DTNA: variants seen among roughly 807,000 people sequenced by gnomAD.
The protein encoded by DTNA is dystrophin-related protein 3.
A neutral mutation model predicts 100.7 loss-of-function variants in DTNA; 43 were observed. The observed-to-expected ratio is 0.43, with a 90% confidence interval of 0.33 to 0.55. DTNA has a LOEUF of 0.55. Among genes scored for constraint, DTNA ranks in the 20% least tolerant of loss-of-function variants. DTNA has a pLI of 0.04. For synonymous variants in DTNA, 349 were observed against 347.9 expected (o/e 1.00, Z -0.04); for missense variants, 798 against 953.9 (o/e 0.84, Z 2.15).
At chr18:34,659,774 C>T (rs942685692) in intron 1 of DTNA, among the ~76,000 whole-genome samples, 1 of 152,146 alleles carries the variant, frequency 6.6e-6, no homozygotes, top group Non-Finnish European at 1.5e-5. Flanking sequence ...TGTTATCTTG[C>T]GCATTAACCG....
chr18:34,849,308 C>CGG (rs2096439050), intron 14 of DTNA, among the ~76,000 whole-genome samples: 1 of 152,196 alleles, frequency 6.6e-6, no homozygotes, highest in Non-Finnish European at 1.5e-5. Context: ...CCAGGAGTCA[C>CGG]TTGAAAGTAA....
chr18:34,580,294 AT>A (rs1353161802), intron 1 of DTNA, among the ~76,000 whole-genome samples: 1 of 152,150 alleles, frequency 6.6e-6, no homozygotes, highest in Non-Finnish European at 1.5e-5. Context: ...TATATCCAAC[AT>A]TTGAGCCATC....
chr18:34,665,404 T>A (rs948928212), intron 1 of DTNA, among the ~76,000 whole-genome samples: 1 of 152,090 alleles, frequency 6.6e-6, no homozygotes, highest in African/African-American at 2.4e-5. Context: ...TTAATGCATA[T>A]TAGAGAAGAA....
At chr18:34,707,125 G>T (rs920966600), upstream of DTNA, among the ~76,000 whole-genome samples, 3 of 152,084 alleles carry the variant, frequency 2.0e-5, no homozygotes, top group African/African-American at 4.8e-5. Context: ...CTTAATTTAA[G>T]CGCGTGACTT....
rs114290410 is a variant in DTNA at position 34,811,389 on chromosome 18, C to A, written c.449-570C>A. Among the ~76,000 whole-genome samples the A allele has an allele frequency of 8.6e-3, 1,313 of 152,282 alleles. 20 individuals are homozygous for A. The highest frequency in any genetic ancestry group is 0.03 in the African/African-American group (1,260 of 41,544). On this transcript the variant is annotated intron_variant, in intron 5 of 22. Transcript: ENST00000444659. ...AATCAAGTGCCTTCCACCCAGAAAA[C>A]TGTAATTCATAGAAAGTTTTCTTCT...
chr18:34,577,958 C>CT (rs1047696549), intron 1 of DTNA, among the ~76,000 whole-genome samples: 1 of 144,530 alleles, frequency 6.9e-6, no homozygotes, highest in African/African-American at 2.6e-5. Flanking sequence ...GGTATAATGG[C>CT]TTTTTTTCCT....
intron 4 of DTNA, among the ~76,000 whole-genome samples, chr18:34,794,751 T>C (rs2094897137): frequency 6.6e-6 from 1 of 152,192 alleles, no homozygotes; most frequent in Non-Finnish European, 1.5e-5. Context: ...AGTGTTTCGA[T>C]CATAAAATAA....
At chr18:34,641,241 A>G (rs922891484) in intron 1 of DTNA, among the ~76,000 whole-genome samples, 2 of 152,208 alleles carry the variant, frequency 1.3e-5, no homozygotes, top group Non-Finnish European at 2.9e-5. Context: ...CATGCCTAAA[A>G]ATAATTATAA....
intron 1 of DTNA, among the ~76,000 whole-genome samples, chr18:34,632,951 C>G (rs1457799919): frequency 1.3e-5 from 2 of 151,702 alleles, no homozygotes. Flanking sequence ...TATTATTATC[C>G]CTATTTTACA....
intron 1 of DTNA, among the ~76,000 whole-genome samples, chr18:34,540,971 A>G (rs566190458): frequency 6.6e-6 from 1 of 152,192 alleles, no homozygotes; most frequent in South Asian, 2.1e-4. Flanking sequence ...AATTGACCTA[A>G]GGACCTGTTA....
At chr18:34,662,925 T>C (rs78705960) in intron 1 of DTNA, 1 of 152,144 alleles carries the variant, frequency 6.6e-6, no homozygotes, top group Non-Finnish European at 1.5e-5. Flanking sequence ...AACAACTCTA[T>C]CATATTATTT....
chr18:34,694,750 A>G (rs1490683666), intron 1 of DTNA, among the ~76,000 whole-genome samples: 1 of 152,124 alleles, frequency 6.6e-6, no homozygotes, highest in African/African-American at 2.4e-5. Context: ...CTAGTGTCAC[A>G]TGATTTCCCT....
chr18:34,524,060 A>G (rs779807562), intron 1 of DTNA, among the ~76,000 whole-genome samples: 16 of 152,184 alleles, frequency 1.1e-4, no homozygotes, highest in Admixed American at 3.9e-4. Flanking sequence ...GTAAACATGA[A>G]GATGGTTGTT....
intron 13 of DTNA, among the ~76,000 whole-genome samples, chr18:34,845,312 C>T (rs559974792): frequency 1.3e-4 from 20 of 152,224 alleles, no homozygotes; most frequent in African/African-American, 3.1e-4. Context: ...AAGGCATGGA[C>T]GTATGAGTTA....
At chr18:34,762,234 C>T (rs1238908285) in intron 2 of DTNA, among the ~76,000 whole-genome samples, 1 of 152,032 alleles carries the variant, frequency 6.6e-6, no homozygotes, top group Non-Finnish European at 1.5e-5. Context: ...AGAAAAATAC[C>T]ATCTGATAAA....
At chr18:34,756,335 T>A (rs1014121786) in intron 2 of DTNA, among the ~76,000 whole-genome samples, 2 of 152,226 alleles carry the variant, frequency 1.3e-5, no homozygotes, top group African/African-American at 4.8e-5. Context: ...TGATAAACAC[T>A]ATTTAGTGTT....
At chr18:34,852,753 A>T (rs1360877359) in intron 15 of DTNA, among the ~76,000 whole-genome samples, 2 of 151,988 alleles carry the variant, frequency 1.3e-5, no homozygotes, top group Non-Finnish European at 2.9e-5. Flanking sequence ...CTCTTCCTCC[A>T]GGTCTCTGTG....
intron 1 of DTNA, among the ~76,000 whole-genome samples, chr18:34,744,823 A>G (rs569092206): frequency 6.6e-6 from 1 of 152,290 alleles, no homozygotes; most frequent in African/African-American, 2.4e-5. Context: ...AGTGCCCCAC[A>G]ACCAGTACCC....
intron 1 of DTNA, among the ~76,000 whole-genome samples, chr18:34,579,352 G>A (rs2048403905): frequency 6.6e-6 from 1 of 152,054 alleles, no homozygotes; most frequent in South Asian, 2.1e-4. Flanking sequence ...TTTTTTAAAA[G>A]GTCTTTTATA....
Sources: allele counts gnomAD v4.1 joint callset (sites outside exome capture counted in the v4.1 genomes callset), GRCh38; gene constraint gnomAD v4.1.1; transcripts MANE v1.5; gene names NCBI Gene and HGNC (gene_info 2026-07-23, HGNC 2026-07-21).